The following PCDH15 variants were observed in gnomAD, a reference collection of about 807,000 sequenced individuals.
The protein encoded by PCDH15 is protocadherin related 15.
In PCDH15, 129 loss-of-function variants were observed where a neutral mutation model predicts 178.5. The ratio of observed to expected loss-of-function variants is 0.72; its 90% CI spans 0.63 to 0.84. PCDH15 has a LOEUF of 0.84. Ranked by LOEUF, PCDH15 falls within the 40% of genes least tolerant of loss-of-function variation. PCDH15 has a pLI of 0.00. For synonymous variants in PCDH15, 800 were observed against 732.0 expected (o/e 1.09, Z -1.50); for missense variants, 2,230 against 2,099.9 (o/e 1.06, Z -1.21).
intron 13 of PCDH15, among the ~76,000 whole-genome samples, chr10:54,170,266 AAAAC>A (rs2046747537): frequency 1.5e-5 from 1 of 68,156 alleles, no homozygotes; most frequent in Admixed American, 1.4e-4. Flanking sequence ...CAACTTCTAC[AAAAC>A]AACAACTCCT....
chr10:54,337,718 A>G (rs1007271583), intron 6 of PCDH15, among the ~76,000 whole-genome samples: 2 of 152,170 alleles, frequency 1.3e-5, no homozygotes, highest in Admixed American at 6.5e-5. Context: ...TGGGGCTTGG[A>G]AATCAACCAA....
chr10:54,709,901 G>A (rs991062645), intron 1 of PCDH15, among the ~76,000 whole-genome samples: 20 of 144,154 alleles, frequency 1.4e-4, no homozygotes, highest in Non-Finnish European at 2.6e-4. Context: ...TAATGTATAT[G>A]AATGTGTATA....
At chr10:54,805,047 T>A (rs1291224228), upstream of PCDH15, among the ~76,000 whole-genome samples, 5 of 149,596 alleles carry the variant, frequency 3.3e-5, no homozygotes, top group Admixed American at 1.3e-4. Context: ...ATATATTAAC[T>A]AAATATAATA....
Position 53,943,507 on chromosome 10 carries a change from A to G in PCDH15, c.3123-2532T>C, listed in dbSNP as rs1029230948. ...ACAAAAACAAACAAACAAACAAAAA[A>G]AACAAAACAGAAAAGAAAAATGCTA... On this transcript the variant is annotated intron_variant, in intron 23 of 37. Coordinates refer to ENST00000644397, the MANE Select transcript of PCDH15 (RefSeq NM_001384140.1). Among the ~76,000 whole-genome samples the G allele has an allele frequency of 2.6e-5, 4 of 151,894 alleles. No homozygotes were observed. In the East Asian group the frequency reaches 7.7e-4, roughly 29 times the overall value.
intron 5 of PCDH15, among the ~76,000 whole-genome samples, chr10:54,362,315 A>T (rs142201051): frequency 2.5e-4 from 38 of 152,194 alleles, no homozygotes; most frequent in African/African-American, 8.9e-4. Flanking sequence ...CCTAATGAGT[A>T]TGCCTAATGA....
intron 2 of PCDH15, among the ~76,000 whole-genome samples, chr10:55,451,155 T>C (rs559502966): frequency 4.5e-4 from 69 of 152,116 alleles, no homozygotes; most frequent in African/African-American, 1.5e-3. Context: ...CTTTTCATTA[T>C]GCCACACTGC....
chr10:54,567,148 T>A (rs2089165401), intron 2 of PCDH15, among the ~76,000 whole-genome samples: 1 of 152,180 alleles, frequency 6.6e-6, no homozygotes, highest in African/African-American at 2.4e-5. Context: ...TAGGTGACTG[T>A]TACGGTTTTT....
intron 17 of PCDH15, among the ~76,000 whole-genome samples, chr10:54,075,430 T>C (rs193175645): frequency 5.6e-4 from 86 of 152,276 alleles, no homozygotes; most frequent in African/African-American, 2.0e-3. Flanking sequence ...TTATCATATA[T>C]ATGATTTGCA....
intron 1 of PCDH15, among the ~76,000 whole-genome samples, chr10:55,193,251 G>C (rs1233935178): frequency 6.6e-6 from 1 of 151,710 alleles, no homozygotes; most frequent in Non-Finnish European, 1.5e-5. Flanking sequence ...ACCAATTAAA[G>C]AAGAACAGAA....
At chr10:54,361,238 T>C (rs974144785) in intron 5 of PCDH15, among the ~76,000 whole-genome samples, 2 of 152,094 alleles carry the variant, frequency 1.3e-5, no homozygotes, top group Non-Finnish European at 2.9e-5. Flanking sequence ...AAAAACTGCA[T>C]GTACAAGTGG....
At chr10:53,937,511 T>C (rs2256293) in intron 25 of PCDH15, among the ~76,000 whole-genome samples, 5,387 of 152,264 alleles carry the variant, frequency 0.035, 293 homozygotes, top group African/African-American at 0.12. Context: ...ACTCAAAGAA[T>C]TCATCTGCTA....
intron 2 of PCDH15, among the ~76,000 whole-genome samples, chr10:54,646,381 C>T (rs1417848354): frequency 2.6e-5 from 4 of 152,046 alleles, no homozygotes; most frequent in African/African-American, 2.4e-5. Context: ...TGGAACCAAG[C>T]CCCAAGGATA....
At chr10:55,212,138 G>A (rs1159048465) in intron 1 of PCDH15, among the ~76,000 whole-genome samples, 1 of 152,082 alleles carries the variant, frequency 6.6e-6, no homozygotes, top group African/African-American at 2.4e-5. Flanking sequence ...GCAACATGGT[G>A]CAGCTCAGGC....
intron 18 of PCDH15, among the ~76,000 whole-genome samples, chr10:54,064,417 G>T (rs1048084825): frequency 1.1e-4 from 16 of 152,158 alleles, no homozygotes; most frequent in Non-Finnish European, 2.2e-4. Flanking sequence ...GGACTCCACT[G>T]GAACTGATGG....
chr10:55,606,802 A>C (rs1843228387), intron 2 of PCDH15, among the ~76,000 whole-genome samples: 1 of 147,116 alleles, frequency 6.8e-6, no homozygotes, highest in Non-Finnish European at 1.5e-5. Context: ...CCCTAGAAGA[A>C]AACCTAGGCA....
chr10:54,796,944 A>G (rs1952083560), intron 1 of PCDH15, among the ~76,000 whole-genome samples: 1 of 152,064 alleles, frequency 6.6e-6, no homozygotes, highest in South Asian at 2.1e-4. Context: ...TGGATAAACA[A>G]TTTGCATTTC....
At chr10:54,343,990 C>A (rs1438682484) in intron 6 of PCDH15, among the ~76,000 whole-genome samples, 1 of 151,940 alleles carries the variant, frequency 6.6e-6, no homozygotes, top group Non-Finnish European at 1.5e-5. Context: ...CACTATGGTG[C>A]TATTAATGTA....
intron 2 of PCDH15, among the ~76,000 whole-genome samples, chr10:54,588,486 C>T (rs2133897480): frequency 6.6e-6 from 1 of 152,230 alleles, no homozygotes; most frequent in Non-Finnish European, 1.5e-5. Flanking sequence ...GGGAGTTTTT[C>T]ATAACCAACA....
In PCDH15 at chr10:55,392,574, T is replaced by A. The variant is rs572522581; in HGVS notation, c.-155-225923A>T. On this transcript the variant is annotated intron_variant, in intron 2 of 5. Transcript: ENST00000613346. ...GCAATCAAATGTGGAGGAAATACATTTTGATTTATGTCCATCAAAATAAAA... is the reference window on the plus strand; with the variant it reads ...GCAATCAAATGTGGAGGAAATACATATTGATTTATGTCCATCAAAATAAAA... 2.6e-5 allele frequency among the ~76,000 whole-genome samples: 4 copies of A among 152,276 alleles called. No homozygotes were observed. In the South Asian group the frequency reaches 8.3e-4, roughly 32 times the overall value.
Sources: gnomAD v4.1 joint callset for allele counts (sites outside exome capture counted in the v4.1 genomes callset) on GRCh38, gnomAD v4.1.1 for gene constraint, MANE v1.5 for transcripts, NCBI Gene and HGNC (gene_info 2026-07-23, HGNC 2026-07-21) for gene names.